Variants in INPP4B observed in about 807,000 individuals in gnomAD.
INPP4B encodes inositol polyphosphate 4-phosphatase type II.
INPP4B carries 55 observed loss-of-function variants against 122.5 expected under a neutral mutation model. The observed-to-expected ratio is 0.45, with a 90% CI of 0.36 to 0.56. The LOEUF (loss-of-function observed/expected upper bound fraction) is 0.56, where lower values mean the gene tolerates loss of function less well. Among genes scored for constraint, INPP4B ranks in the 20% least tolerant of loss-of-function variants. The pLI, the probability that INPP4B is intolerant of heterozygous loss-of-function variation, is 0.00. For missense variants in INPP4B, 1,000 were observed against 1,097.7 expected (o/e 0.91, Z 1.26); for synonymous variants, 403 against 388.7 (o/e 1.04, Z -0.43).
intron 7 of INPP4B, among the ~76,000 whole-genome samples, chr4:142,346,167 A>G (rs1780269013): frequency 6.6e-6 from 1 of 152,078 alleles, no homozygotes; most frequent in Non-Finnish European, 1.5e-5. Context: ...TTAAGTAGAC[A>G]TGGTCTCTGC....
At chr4:142,217,659 T>A (rs1847855949) in intron 12 of INPP4B, among the ~76,000 whole-genome samples, 2 of 152,208 alleles carry the variant, frequency 1.3e-5, no homozygotes, top group South Asian at 4.1e-4. Context: ...ATCAACTTGG[T>A]TGGACCACAG....
At chr4:142,537,717 C>T (rs1227019039) in intron 2 of INPP4B, among the ~76,000 whole-genome samples, 1 of 143,790 alleles carries the variant, frequency 7.0e-6, no homozygotes, top group East Asian at 2.0e-4. Flanking sequence ...ATATGTGTGT[C>T]TGTGAGTATG....
chr4:142,484,696 T>G (rs1820993013), intron 2 of INPP4B, among the ~76,000 whole-genome samples: 1 of 152,104 alleles, frequency 6.6e-6, no homozygotes, highest in South Asian at 2.1e-4. Context: ...TTGTACAGAT[T>G]ATTTCATCAC....
chr4:142,359,879 C>G (rs1410262791), intron 7 of INPP4B, among the ~76,000 whole-genome samples: 3 of 151,882 alleles, frequency 2.0e-5, no homozygotes, highest in Non-Finnish European at 4.4e-5. Context: ...CAAAGTTTAT[C>G]CGATCATGCT....
At chr4:142,250,797 T>C (rs1276941107) in intron 11 of INPP4B, among the ~76,000 whole-genome samples, 1 of 152,152 alleles carries the variant, frequency 6.6e-6, no homozygotes, top group Admixed American at 6.6e-5. Flanking sequence ...CCAGGCTGAC[T>C]GGACTACAGA....
At chr4:142,493,728 AC>A (rs1822172460) in intron 2 of INPP4B, among the ~76,000 whole-genome samples, 1 of 152,116 alleles carries the variant, frequency 6.6e-6, no homozygotes, top group Non-Finnish European at 1.5e-5. Flanking sequence ...GGTGGAAGGG[AC>A]TTACTTTGTC....
chr4:142,390,133 G>T (rs1797201158), intron 7 of INPP4B, among the ~76,000 whole-genome samples: 1 of 152,066 alleles, frequency 6.6e-6, no homozygotes, highest in African/African-American at 2.4e-5. Context: ...TCACCATACG[G>T]TCAAACTGAT....
chr4:142,303,476 A>T (rs539279544), intron 9 of INPP4B, among the ~76,000 whole-genome samples: 1 of 152,254 alleles, frequency 6.6e-6, no homozygotes, highest in Non-Finnish European at 1.5e-5. Context: ...CAAAACAAAA[A>T]TGCTTCTTAA....
intron 23 of INPP4B, among the ~76,000 whole-genome samples, chr4:142,092,393 G>A (rs1452250886): frequency 6.6e-6 from 1 of 152,000 alleles, no homozygotes; most frequent in African/African-American, 2.4e-5. Context: ...CTGGTTCAAG[G>A]GGTTCTCCCG....
intron 12 of INPP4B, among the ~76,000 whole-genome samples, chr4:142,233,042 A>G (rs923498820): frequency 2.0e-5 from 3 of 152,194 alleles, no homozygotes; most frequent in Non-Finnish European, 4.4e-5. Flanking sequence ...TCATAACATA[A>G]AAGTACAAGG....
chr4:142,365,359 A>G (rs1311185854), intron 7 of INPP4B, among the ~76,000 whole-genome samples: 1 of 152,042 alleles, frequency 6.6e-6, no homozygotes, highest in Non-Finnish European at 1.5e-5. Flanking sequence ...CGAAGAAGGA[A>G]TGGTGAGCTT....
chr4:142,611,216 C>A (rs933963392), intron 2 of INPP4B, among the ~76,000 whole-genome samples: 3 of 152,200 alleles, frequency 2.0e-5, no homozygotes, highest in East Asian at 3.9e-4. Flanking sequence ...CTTGCAAGAA[C>A]TGACTTACTC....
intron 1 of INPP4B, among the ~76,000 whole-genome samples, chr4:142,810,866 A>C (rs1026872445): frequency 6.6e-6 from 1 of 152,218 alleles, no homozygotes; most frequent in Non-Finnish European, 1.5e-5. Context: ...TCTTGTCTGA[A>C]AGAAAAGTGT....
chr4:142,024,688 A>G lies in INPP4B; in HGVS notation c.*4094T>C, dbSNP rs2085145984. The stretch of plus-strand genomic sequence containing the variant: ...ACAGTTTTGGTTTCAATTGAGCTAT[A>G]TTTATTAGAATCTGGGCACAGTAAT... On this transcript the variant is annotated 3_prime_UTR_variant, in exon 26 of 26. Coordinates refer to ENST00000262992, the MANE Select transcript of INPP4B (RefSeq NM_001101669.3). 1 of 152,120 alleles carries G rather than the reference A, an allele frequency of 6.6e-6. No homozygotes were observed. Among genetic ancestry groups the G allele is most frequent in the Non-Finnish European group, 1.5e-5 (1 of 68,004 alleles). The allele number at this position is 152,120 out of a possible 1,614,324, so 9.4% of individuals were successfully genotyped here.
chr4:142,652,373 C>A (rs1446064858), intron 2 of INPP4B, among the ~76,000 whole-genome samples: 2 of 152,052 alleles, frequency 1.3e-5, no homozygotes, highest in African/African-American at 4.8e-5. Context: ...CTGGCCAGGG[C>A]AATCAGGCAA....
In INPP4B at chr4:142,434,079, C is replaced by A. The variant is rs114323946; in HGVS notation, c.-126-2694G>T. On this transcript the variant is annotated intron_variant, in intron 3 of 25. Coordinates refer to ENST00000262992, the MANE Select transcript of INPP4B (RefSeq NM_001101669.3). ...CTTATTTACAATAGTCTTTACCTCA[C>A]AATCATCTATAGAGACCGAGACGTG... Among the ~76,000 whole-genome samples the A allele has an allele frequency of 4.2e-3, 642 of 152,202 alleles. 4 individuals carry two copies. The highest frequency in any genetic ancestry group is 0.011 in the Admixed American group (167 of 15,272).
intron 2 of INPP4B, among the ~76,000 whole-genome samples, chr4:142,652,701 C>T (rs191321637): frequency 1.2e-4 from 19 of 152,062 alleles, no homozygotes; most frequent in Admixed American, 3.9e-4. Context: ...CACTGCTCAA[C>T]GAAATAAAAG....
intron 25 of INPP4B, among the ~76,000 whole-genome samples, chr4:142,062,764 AACAAACAAACAG>A (rs1327843100): frequency 1.9e-4 from 28 of 144,080 alleles, no homozygotes; most frequent in Middle Eastern, 3.4e-3. Flanking sequence ...CAAACAAACA[AACAAACAAACAG>A]ACAAACAAAC....
chr4:142,257,958 C>A (rs905910830), intron 11 of INPP4B, among the ~76,000 whole-genome samples: 13 of 152,166 alleles, frequency 8.5e-5, no homozygotes, highest in Non-Finnish European at 1.5e-4. Context: ...GACTATACTA[C>A]AAGGCTACAG....
Sources: allele counts gnomAD v4.1 joint callset (sites outside exome capture counted in the v4.1 genomes callset), GRCh38; gene constraint gnomAD v4.1.1; transcripts MANE v1.5; gene names NCBI Gene and HGNC (gene_info 2026-07-23, HGNC 2026-07-21).